Variants in EXOC4 observed in about 807,000 individuals in gnomAD.
The protein encoded by EXOC4 is SEC8-like 1.
A neutral mutation model predicts 107.2 loss-of-function variants in EXOC4; 71 were observed. That is an observed-to-expected ratio of 0.66 (90% confidence interval 0.55 to 0.81). EXOC4 has a LOEUF of 0.81. EXOC4 is among the 30% of genes least tolerant of loss of function. The pLI is 0.00. For synonymous variants in EXOC4, 456 were observed against 441.2 expected (o/e 1.03, Z -0.42); for missense variants, 1,108 against 1,189.6 (o/e 0.93, Z 1.01).
intron 15 of EXOC4, among the ~76,000 whole-genome samples, chr7:134,001,062 C>T (rs1204325903): frequency 6.6e-6 from 1 of 152,112 alleles, no homozygotes; most frequent in Non-Finnish European, 1.5e-5. Context: ...ACATTTTAAC[C>T]ACCAAGCAGC....
chr7:133,787,623 C>T (rs1217630462), intron 10 of EXOC4, among the ~76,000 whole-genome samples: 2 of 151,694 alleles, frequency 1.3e-5, no homozygotes, highest in Non-Finnish European at 2.9e-5. Flanking sequence ...TGGTCAAGTT[C>T]TGGCAGAGGC....
At chr7:133,645,779 T>C (rs1802975302) in intron 10 of EXOC4, among the ~76,000 whole-genome samples, 1 of 152,172 alleles carries the variant, frequency 6.6e-6, no homozygotes, top group African/African-American at 2.4e-5. Flanking sequence ...CTTCTTGGAG[T>C]TGCTTTTGAT....
chr7:133,414,434 A>G (rs1226079389), intron 7 of EXOC4, among the ~76,000 whole-genome samples: 1 of 152,204 alleles, frequency 6.6e-6, no homozygotes, highest in Admixed American at 6.5e-5. Flanking sequence ...GAAGATGTCC[A>G]TATTCTGCAA....
At chr7:133,991,965 G>A (rs1178693673) in intron 14 of EXOC4, among the ~76,000 whole-genome samples, 1 of 151,912 alleles carries the variant, frequency 6.6e-6, no homozygotes, top group Non-Finnish European at 1.5e-5. Flanking sequence ...TTGAATTTTA[G>A]GATTCTTTTT....
intron 2 of EXOC4, among the ~76,000 whole-genome samples, chr7:133,284,567 T>A (rs1364329030): frequency 1.1e-4 from 16 of 152,240 alleles, no homozygotes; most frequent in Admixed American, 1.0e-3. Flanking sequence ...AGTGTCGCTC[T>A]GTCGCCCAGG....
chr7:133,353,628 TC>T (rs1795959993), intron 5 of EXOC4, among the ~76,000 whole-genome samples: 1 of 150,262 alleles, frequency 6.7e-6, no homozygotes, highest in Non-Finnish European at 1.5e-5. Context: ...CTCTTTGAGT[TC>T]CTCTCACTTG....
chr7:133,622,286 T>C (rs1314255444), intron 9 of EXOC4, among the ~76,000 whole-genome samples: 3 of 152,112 alleles, frequency 2.0e-5, no homozygotes, highest in Non-Finnish European at 4.4e-5. Context: ...ATTTTTTTTC[T>C]TCTTTTGTAG....
At chr7:133,732,227 G>A (rs931873743) in intron 10 of EXOC4, among the ~76,000 whole-genome samples, 2 of 152,118 alleles carry the variant, frequency 1.3e-5, no homozygotes, top group African/African-American at 4.8e-5. Context: ...CTTACAAGTG[G>A]GAGTTAATGA....
rs141227227 is a variant in EXOC4 at position 133,773,464 on chromosome 7, T to TTTATTATTATTATTATTATTATTA, written c.1515-43855_1515-43832dup. ...TGTTAATCTGTGTATTTACTAGGTTTTTATTATTATTATTATTATTATTAT... is the reference window on the plus strand; with the variant it reads ...TGTTAATCTGTGTATTTACTAGGTTTTTATTATTATTATTATTATTATTATTATTATTATTATTATTATTATTAT... On this transcript the variant is annotated intron_variant, in intron 10 of 17. Coordinates refer to ENST00000253861, the MANE Select transcript of EXOC4 (RefSeq NM_021807.4). Among the ~76,000 whole-genome samples, 569 of 149,294 alleles carry TTTATTATTATTATTATTATTATTA rather than the reference T, an allele frequency of 3.8e-3. 4 individuals are homozygous for TTTATTATTATTATTATTATTATTA. Among genetic ancestry groups the TTTATTATTATTATTATTATTATTA allele is most frequent in the African/African-American group, 0.013 (532 of 40,460 alleles).
intron 10 of EXOC4, among the ~76,000 whole-genome samples, chr7:133,744,332 C>T (rs1210042398): frequency 6.6e-6 from 1 of 152,156 alleles, no homozygotes; most frequent in Non-Finnish European, 1.5e-5. Context: ...CCCCTCCTTC[C>T]CTCCTAAGTT....
intron 13 of EXOC4, among the ~76,000 whole-genome samples, chr7:133,936,465 G>A (rs1563063473): frequency 6.6e-6 from 1 of 152,134 alleles, no homozygotes. Context: ...AATTTGGCTT[G>A]TTCTAGTTAA....
At chr7:133,429,463 C>T (rs1584910594) in intron 7 of EXOC4, among the ~76,000 whole-genome samples, 2 of 152,062 alleles carry the variant, frequency 1.3e-5, no homozygotes, top group East Asian at 3.9e-4. Context: ...ACATATAAGT[C>T]ACCATTTTAA....
At chr7:133,294,573 A>G (rs2150553564) in intron 3 of EXOC4, among the ~76,000 whole-genome samples, 1 of 152,244 alleles carries the variant, frequency 6.6e-6, no homozygotes, top group Non-Finnish European at 1.5e-5. Flanking sequence ...ATAGCTGTAT[A>G]GTCAGATAAG....
At chr7:133,903,963 C>T (rs902697255) in intron 12 of EXOC4, among the ~76,000 whole-genome samples, 7 of 151,990 alleles carry the variant, frequency 4.6e-5, no homozygotes, top group East Asian at 1.9e-4. Flanking sequence ...AAATGTAGCA[C>T]GGACTGAGTG....
intron 10 of EXOC4, among the ~76,000 whole-genome samples, chr7:133,743,075 C>T (rs1041013954): frequency 6.6e-6 from 1 of 152,116 alleles, no homozygotes; most frequent in African/African-American, 2.4e-5. Flanking sequence ...AATATTGGGT[C>T]TCATAATTAT....
chr7:133,379,025 A>G (rs1293547904), intron 7 of EXOC4, among the ~76,000 whole-genome samples: 2 of 152,164 alleles, frequency 1.3e-5, no homozygotes, highest in Non-Finnish European at 2.9e-5. Context: ...AAATAATTTT[A>G]AAATTGTAGA....
intron 12 of EXOC4, among the ~76,000 whole-genome samples, chr7:133,904,211 G>T (rs1799518003): frequency 6.6e-6 from 1 of 152,130 alleles, no homozygotes; most frequent in African/African-American, 2.4e-5. Context: ...TTGAAGAAAA[G>T]GACTTGGGAA....
chr7:133,697,972 G>A (rs1228763087), intron 10 of EXOC4, among the ~76,000 whole-genome samples: 3 of 152,150 alleles, frequency 2.0e-5, no homozygotes, highest in African/African-American at 7.2e-5. Context: ...TCAAGTTTAG[G>A]TCAATGAAGA....
At chr7:134,077,552 T>C in the EXOC4 span, among the ~76,000 whole-genome samples, 1 of 152,196 alleles carries the variant, frequency 6.6e-6, no homozygotes, top group East Asian at 1.9e-4. Flanking sequence ...GGAGAATCTT[T>C]ATTGAGTGCG....
Sources: allele counts gnomAD v4.1 joint callset (sites outside exome capture counted in the v4.1 genomes callset), GRCh38; gene constraint gnomAD v4.1.1; transcripts MANE v1.5; gene names NCBI Gene and HGNC (gene_info 2026-07-23, HGNC 2026-07-21).